Variants in TMEM131 observed in about 807,000 individuals in gnomAD.
TMEM131 encodes transmembrane protein 131.
TMEM131 carries 66 observed loss-of-function variants against 211.6 expected under a neutral mutation model. The ratio of observed to expected loss-of-function variants is 0.31; its 90% CI spans 0.26 to 0.38. The LOEUF is 0.38. Among genes scored for constraint, TMEM131 ranks in the 10% least tolerant of loss-of-function variants. TMEM131 has a pLI of 1.00. For synonymous variants in TMEM131, 844 were observed against 841.3 expected (o/e 1.00, Z -0.06); for missense variants, 2,036 against 2,299.3 (o/e 0.89, Z 2.34).
At chr2:97,898,925 T>C (rs920026278) in intron 3 of TMEM131, among the ~76,000 whole-genome samples, 2 of 152,170 alleles carry the variant, frequency 1.3e-5, no homozygotes, top group Non-Finnish European at 2.9e-5. Context: ...TCTTGGTGGA[T>C]GTAGTGTTTA....
intron 35 of TMEM131, chr2:97,763,634 CT>C: frequency 6.6e-6 from 1 of 152,630 alleles, no homozygotes. Context: ...TGTCCTGACC[CT>C]TCCCTAGCCA....
intron 1 of TMEM131, among the ~76,000 whole-genome samples, chr2:97,943,061 G>GAAAAGA (rs1210244993): frequency 1.2e-5 from 1 of 84,516 alleles, no homozygotes; most frequent in Admixed American, 1.3e-4. Context: ...AAGAAAGAAA[G>GAAAAGA]AAAGAAAGAA....
At chr2:97,834,722 GTA>G (rs1682860529) in intron 9 of TMEM131, 45 bp from the exon 10 acceptor site, 5 of 1,602,280 alleles carry the variant, frequency 3.1e-6, no homozygotes, top group Non-Finnish European at 4.2e-6. Context: ...CTTTGCCAGA[GTA>G]AGCTATACTG....
intron 29 of TMEM131, 90 bp from the exon 30 acceptor site, chr2:97,793,643 A>C: frequency 2.3e-6 from 3 of 1,295,472 alleles, no homozygotes; most frequent in Non-Finnish European, 3.2e-6. Context: ...TTTCTTGGTA[A>C]AGTACAATAT....
chr2:97,913,192 C>T (rs1196128328), intron 2 of TMEM131: 2 of 152,032 alleles, frequency 1.3e-5, no homozygotes, highest in African/African-American at 4.8e-5. Flanking sequence ...CTGCTAAACA[C>T]CCGGTAATGC....
Position 97,823,039 on chromosome 2 carries a change from T to C in TMEM131, c.1075-4318A>G, listed in dbSNP as rs187311627. Among the ~76,000 whole-genome samples the C allele has an allele frequency of 7.2e-5, 11 of 152,244 alleles. No homozygotes were observed. In the East Asian group the frequency reaches 1.7e-3, roughly 24 times the overall value. ...CCTTTTCTGTAAGAGGGAAGGCAAGTAGAGTGAAATACCTTATCTCTAAGC... is the reference window on the plus strand; with the variant it reads ...CCTTTTCTGTAAGAGGGAAGGCAAGCAGAGTGAAATACCTTATCTCTAAGC... On this transcript the variant is annotated intron_variant, in intron 11 of 40. Coordinates refer to ENST00000186436, the MANE Select transcript of TMEM131 (RefSeq NM_015348.2).
intron 25 of TMEM131, 118 bp downstream of exon 25, chr2:97,801,777 T>A: frequency 1.5e-6 from 1 of 662,822 alleles, no homozygotes; most frequent in Non-Finnish European, 2.4e-6. Flanking sequence ...CTGCTCTGAC[T>A]TCTTCAGTAA....
chr2:97,908,622 C>T lies in TMEM131; in HGVS notation c.290+36G>A, dbSNP rs748575585. ...ACCACAGGAATCCCCCAGAAGGAAC[C>T]GAAAGTATGTTAATTATCTTATTAA... On this transcript the variant is annotated intron_variant, in intron 3 of 40. Coordinates refer to ENST00000186436, the MANE Select transcript of TMEM131 (RefSeq NM_015348.2). 4.6e-6 allele frequency: 7 copies of T among 1,527,664 alleles called. No individual in the cohort carries two copies. The East Asian group carries it at 6.9e-5, about 15-fold the overall frequency. 94.6% of individuals were successfully genotyped at this position (1,527,664 alleles called of 1,614,324 possible). A position where few individuals can be genotyped will look rare whatever the true frequency, so the allele number is the denominator to read the frequency against.
chr2:97,920,796 G>A (rs1046829532), intron 2 of TMEM131, among the ~76,000 whole-genome samples: 9 of 152,086 alleles, frequency 5.9e-5, no homozygotes, highest in Non-Finnish European at 1.5e-5. Flanking sequence ...TAAATCTATC[G>A]AAAGATGTTC....
chr2:97,767,812 C>T (rs1240360026), intron 33 of TMEM131, among the ~76,000 whole-genome samples: 1 of 152,210 alleles, frequency 6.6e-6, no homozygotes, highest in Non-Finnish European at 1.5e-5. Flanking sequence ...GTTCTTCACG[C>T]ACCATGTTGC....
chr2:97,774,359 C>G (rs1679613081), intron 32 of TMEM131, among the ~76,000 whole-genome samples: 2 of 152,170 alleles, frequency 1.3e-5, no homozygotes, highest in South Asian at 4.1e-4. Flanking sequence ...AGAAGACATG[C>G]AAGAGAAAAT....
intron 3 of TMEM131, among the ~76,000 whole-genome samples, chr2:97,889,077 T>C (rs1675275895): frequency 6.6e-6 from 1 of 152,166 alleles, no homozygotes; most frequent in Non-Finnish European, 1.5e-5. Flanking sequence ...ACATTCATAA[T>C]ATGGAGGAAA....
chr2:97,971,338 C>T (rs563062350), intron 1 of TMEM131, among the ~76,000 whole-genome samples: 23 of 152,104 alleles, frequency 1.5e-4, no homozygotes, highest in Admixed American at 4.6e-4. Context: ...CAACAAAGAA[C>T]ATAAGGCATT....
At chr2:97,899,519 T>A (rs1675759777) in intron 3 of TMEM131, among the ~76,000 whole-genome samples, 1 of 151,992 alleles carries the variant, frequency 6.6e-6, no homozygotes, top group African/African-American at 2.4e-5. Context: ...AAAGACAAAC[T>A]AAAACTACAC....
At chr2:97,862,021 C>T (rs187883646) in intron 4 of TMEM131, among the ~76,000 whole-genome samples, 47 of 152,210 alleles carry the variant, frequency 3.1e-4, no homozygotes, top group African/African-American at 1.0e-3. Flanking sequence ...CCAGGTGGCT[C>T]AGCACAGAGA....
rs1422744007 is a variant in TMEM131 at position 97,757,382 on chromosome 2, G to A, written c.5369C>T (p.Ser1790Leu). ...SSGSPTHTAT[S>L]VLGNTSGLWS... is the part of the protein sequence containing the mutation. ...CAGGCCGCTGGTGTTACCGAGGACC[G>A]ACTGCGACAAAACAGAAAGCGTCCA... Residue 1790 changes from serine (S) to leucine (L), a missense_variant and splice_region_variant, in exon 41 of 41, where the codon TCG becomes TTG. Physicochemically the swap from Ser to Leu is moderately radical, Grantham distance 145. This residue lies in a region of TMEM131 where 1,623 missense variants were observed against 1,805.9 expected (regional missense o/e 0.90). Transcript: ENST00000186436. The A allele has an allele frequency of 4.4e-6, 7 of 1,589,874 alleles. No individual in the cohort carries two copies. Among genetic ancestry groups the A allele is most frequent in the Admixed American group, 1.7e-5 (1 of 58,342 alleles).
rs1047894539 is a variant in TMEM131, at chr2:97,758,845, G to A, written c.5367+48C>T. 42 of 1,564,462 alleles carry A rather than the reference G, an allele frequency of 2.7e-5. 1 individual carries two copies. The Middle Eastern group carries it at 5.9e-4, about 22-fold the overall frequency. On this transcript the variant is annotated intron_variant, in intron 40 of 40. Coordinates refer to ENST00000186436, the MANE Select transcript of TMEM131 (RefSeq NM_015348.2). ...CCATGTCACAGCAATGGCAGATGGC[G>A]AGTGGGTGGGCCAGGTCCAGGCCCC...
chr2:97,810,891 T>C (rs1286779774), intron 18 of TMEM131, among the ~76,000 whole-genome samples: 1 of 152,202 alleles, frequency 6.6e-6, no homozygotes, highest in Non-Finnish European at 1.5e-5. Context: ...ATTCTAAACG[T>C]GCTAAAGGCA....
intron 4 of TMEM131, among the ~76,000 whole-genome samples, chr2:97,881,880 G>A (rs1573503850): frequency 1.3e-5 from 2 of 152,184 alleles, no homozygotes; most frequent in South Asian, 2.1e-4. Context: ...AGTTAATGCA[G>A]GAAAAAACTT....
Sources: gnomAD v4.1 joint callset for allele counts (sites outside exome capture counted in the v4.1 genomes callset) on GRCh38, gnomAD v4.1.1 for gene constraint, gnomAD v4.1.1 regional missense constraint, MANE v1.5 for transcripts, NCBI Gene and HGNC (gene_info 2026-07-23, HGNC 2026-07-21) for gene names.